Variants in SLC9A8 observed in about 807,000 individuals in gnomAD.
SLC9A8 encodes solute carrier family 9 member A8.
SLC9A8 carries 48 observed loss-of-function variants against 66.6 expected under a neutral mutation model. The ratio of observed to expected loss-of-function variants is 0.72; its 90% CI spans 0.57 to 0.92. The LOEUF (loss-of-function observed/expected upper bound fraction) is 0.92. Among genes scored for constraint, SLC9A8 ranks in the 40% least tolerant of loss-of-function variants. SLC9A8 has a pLI of 0.00. For missense variants in SLC9A8, 599 were observed against 747.3 expected (o/e 0.80, Z 2.31); for synonymous variants, 274 against 282.6 (o/e 0.97, Z 0.31).
In SLC9A8 at chr20:49,845,035, GGAA is replaced by G. The variant is rs2087925726; in HGVS notation, c.355_357del (p.Glu119del). On this transcript the variant is annotated inframe_deletion and splice_region_variant, in exon 5 of 16. Coordinates refer to ENST00000361573, the MANE Select transcript of SLC9A8 (RefSeq NM_015266.3). ...TTAAGATACTCATTTTCTATTTACA[GGAA>G]GAAGAAATGTTTCGTCCAAACATGT... 1 of 1,607,768 alleles carries G rather than the reference GGAA, an allele frequency of 6.2e-7. No individual in the cohort carries two copies. Among genetic ancestry groups the G allele is most frequent in the East Asian group, 2.2e-5 (1 of 44,850 alleles).
intron 3 of SLC9A8, among the ~76,000 whole-genome samples, chr20:49,824,949 T>C (rs999697009): frequency 1.3e-5 from 2 of 152,210 alleles, no homozygotes; most frequent in Non-Finnish European, 2.9e-5. Context: ...GAAAATGTTT[T>C]CCTCTCAGAT....
chr20:49,856,861 G>C (rs1040196433), intron 8 of SLC9A8, among the ~76,000 whole-genome samples: 1 of 151,246 alleles, frequency 6.6e-6, no homozygotes, highest in Admixed American at 6.6e-5. Flanking sequence ...GTCATATCAC[G>C]TGCCTGTATT....
At chr20:49,851,996 A>G (rs2088273664) in intron 7 of SLC9A8, among the ~76,000 whole-genome samples, 1 of 152,204 alleles carries the variant, frequency 6.6e-6, no homozygotes, top group Non-Finnish European at 1.5e-5. Flanking sequence ...AGGACAGGAA[A>G]GGAATTGCCC....
At chr20:49,858,653 A>G (rs573019978) in intron 8 of SLC9A8, among the ~76,000 whole-genome samples, 1 of 152,172 alleles carries the variant, frequency 6.6e-6, no homozygotes, top group Non-Finnish European at 1.5e-5. Context: ...TTACTGGAAA[A>G]GTGCTTTGGA....
chr20:49,864,935 C>A (rs1018307732), intron 10 of SLC9A8, 91 bp downstream of exon 10: 1 of 819,536 alleles, frequency 1.2e-6, no homozygotes, highest in Admixed American at 1.8e-5. Flanking sequence ...CTTTTAGTCA[C>A]AAGAGACAGT....
intron 3 of SLC9A8, among the ~76,000 whole-genome samples, chr20:49,835,269 A>G (rs1471754552): frequency 6.6e-6 from 1 of 151,986 alleles, no homozygotes; most frequent in African/African-American, 2.4e-5. Flanking sequence ...TGTTCAATGC[A>G]GCACCACTGT....
chr20:49,830,697 T>A, intron 3 of SLC9A8: 1 of 677,792 alleles, frequency 1.5e-6, no homozygotes, highest in South Asian at 1.6e-5. Flanking sequence ...AGGGAAGACC[T>A]CCTCCTTCCT....
chr20:49,885,189 A>G (rs527649077), intron 14 of SLC9A8, among the ~76,000 whole-genome samples: 4 of 151,964 alleles, frequency 2.6e-5, no homozygotes, highest in African/African-American at 9.7e-5. Context: ...CTATCTACCA[A>G]CTTTTTTGTT....
intron 13 of SLC9A8, among the ~76,000 whole-genome samples, 158 bp downstream of exon 13, chr20:49,881,193 A>T (rs1273387420): frequency 1.3e-5 from 2 of 152,136 alleles, no homozygotes; most frequent in East Asian, 3.9e-4. Flanking sequence ...GGTGCCCCTC[A>T]CCATGGTGCT....
chr20:49,830,523 A>G (rs1197269181), intron 3 of SLC9A8: 1 of 695,434 alleles, frequency 1.4e-6, no homozygotes, highest in South Asian at 1.7e-5. Context: ...GGACGCTGAC[A>G]TAGTCACTTA....
chr20:49,827,078 A>T (rs900235638), intron 3 of SLC9A8, among the ~76,000 whole-genome samples: 1 of 151,446 alleles, frequency 6.6e-6, no homozygotes, highest in Non-Finnish European at 1.5e-5. Context: ...AGTAGCTGGG[A>T]TTACAGGCAC....
At chr20:49,849,709 A>C in intron 6 of SLC9A8, 29 bp downstream of exon 6, 1 of 1,530,294 alleles carries the variant, frequency 6.5e-7, no homozygotes, top group Non-Finnish European at 9.1e-7. Flanking sequence ...AAACACTTTG[A>C]AAGTCTTACA....
intron 8 of SLC9A8, among the ~76,000 whole-genome samples, chr20:49,860,899 A>G (rs2088703192): frequency 6.6e-6 from 1 of 152,220 alleles, no homozygotes; most frequent in South Asian, 2.1e-4. Context: ...AGATGGACAC[A>G]GGCTTCATCC....
At position 49,881,023 on chromosome 20, in the gene SLC9A8, A is replaced by G. The variant is rs1448546991; in HGVS notation, c.1258A>G (p.Met420Val). The change falls in exon 13 of 16, where the codon ATG becomes GTG. Residue 420 changes from methionine (M) to valine (V), a missense_variant. Physicochemically the swap from Met to Val is conservative, Grantham distance 21. This residue lies in a region of SLC9A8 where 467 missense variants were observed against 626.5 expected (regional missense o/e 0.75). Coordinates refer to ENST00000361573, the MANE Select transcript of SLC9A8 (RefSeq NM_015266.3). ...AATCACACCGAAGATGATGTTCATC[A>G]TGTGGTTTAGTGGTAAGTCAAATCT... ...HKITPKMMFI[M>V]WFSGLRGAIP... is the part of the protein sequence containing the mutation. 4.3e-6 allele frequency: 7 copies of G among 1,611,258 alleles called. No homozygotes were observed. The highest frequency in any genetic ancestry group is 2.7e-5 in the African/African-American group (2 of 74,880).
chr20:49,841,443 G>A (rs760519338), intron 4 of SLC9A8, among the ~76,000 whole-genome samples: 2 of 152,084 alleles, frequency 1.3e-5, no homozygotes, highest in Non-Finnish European at 2.9e-5. Flanking sequence ...AAAAACAAGA[G>A]GAGCTGGTGG....
At position 49,828,271 on chromosome 20, in the gene SLC9A8, A is replaced by G. The variant is rs1037241701; in HGVS notation, c.289+5130A>G. ...AATTTTTTGTATTTTTAGTAGAAAC[A>G]GGGTTTCACCATGTTAGCCAGGCTG... On this transcript the variant is annotated intron_variant, in intron 3 of 15. Transcript: ENST00000361573. Among the ~76,000 whole-genome samples the G allele has an allele frequency of 4.0e-5, 6 of 151,820 alleles. No homozygotes were observed. The East Asian group carries it at 9.8e-4, about 25-fold the overall frequency.
intron 10 of SLC9A8, among the ~76,000 whole-genome samples, chr20:49,869,453 A>C (rs954841626): frequency 6.6e-6 from 1 of 151,162 alleles, no homozygotes; most frequent in Non-Finnish European, 1.5e-5. Flanking sequence ...TGAACTCCTG[A>C]CCTCGTGATC....
At chr20:49,845,413 A>T (rs970999397) in intron 5 of SLC9A8, among the ~76,000 whole-genome samples, 3 of 152,218 alleles carry the variant, frequency 2.0e-5, no homozygotes, top group African/African-American at 7.2e-5. Flanking sequence ...CTCACAGATG[A>T]TGCATTGACT....
chr20:49,843,732 G>A (rs556816547), intron 4 of SLC9A8, among the ~76,000 whole-genome samples: 114 of 152,268 alleles, frequency 7.5e-4, no homozygotes, highest in African/African-American at 2.3e-3. Flanking sequence ...CTTTCGTAGT[G>A]GCACTTAATA....
Sources: allele counts gnomAD v4.1 joint callset (sites outside exome capture counted in the v4.1 genomes callset), GRCh38; gene constraint gnomAD v4.1.1; regional missense constraint gnomAD v4.1.1; transcripts MANE v1.5; gene names NCBI Gene and HGNC (gene_info 2026-07-23, HGNC 2026-07-21).